Variants in ZNF550 observed in about 807,000 individuals in gnomAD.
The protein encoded by ZNF550 is zinc finger protein 550.
ZNF550 carries 42 observed loss-of-function variants against 40.2 expected under a neutral mutation model. The observed-to-expected ratio is 1.05, with a 90% CI of 0.82 to 1.35. The LOEUF (loss-of-function observed/expected upper bound fraction) is 1.35. Ranked by LOEUF, ZNF550 falls within the 40% of genes most tolerant of loss-of-function variation. The pLI, the probability that ZNF550 is intolerant of heterozygous loss-of-function variation, is 0.00. For missense variants in ZNF550, 549 were observed against 525.2 expected (o/e 1.05, Z -0.44); for synonymous variants, 223 against 198.6 (o/e 1.12, Z -1.03).
At chr19:57,558,148 G>A (rs2090138772) in intron 1 of ZNF550, among the ~76,000 whole-genome samples, 1 of 152,224 alleles carries the variant, frequency 6.6e-6, no homozygotes, top group African/African-American at 2.4e-5. Flanking sequence ...GAGCAGGCAG[G>A]TGGGAGTGAG....
At chr19:57,542,346 T>C (rs371920123) in exon 5 of ZNF550, 52 of 149,454 alleles carry the variant, frequency 3.5e-4, no homozygotes, top group African/African-American at 1.2e-3. Flanking sequence ...GCAAGGTACA[T>C]TTCTCATGTA....
chr19:57,550,933 T>C (rs1365550881), intron 3 of ZNF550, among the ~76,000 whole-genome samples: 1 of 152,264 alleles, frequency 6.6e-6, no homozygotes, highest in Non-Finnish European at 1.5e-5. Context: ...AAAAGCATTT[T>C]GTCTGTTTTC....
rs2090022018 is a variant in ZNF550 at position 57,547,227 on chromosome 19, T to G, written c.1017A>C (p.Gly339=). 10 of 1,614,084 alleles carry G rather than the reference T, an allele frequency of 6.2e-6. No individual in the cohort carries two copies. In the East Asian group the frequency reaches 2.2e-4, roughly 36 times the overall value. ...ATGCCATGCAATCATAGGGCTTCTC[T>G]CCAGTGTGGATGATGTAATGTTGAA... The change falls in exon 4 of 5, where the codon GGA becomes GGC. Residue 339 remains glycine, a synonymous_variant. Transcript: ENST00000457177.
chr19:57,546,736 T>C, exon 4 of ZNF550: 2 of 1,279,652 alleles, frequency 1.6e-6, no homozygotes, highest in East Asian at 2.9e-5. Flanking sequence ...TGAATCCTTC[T>C]GCAATGAGTG....
intron 2 of ZNF550, 153 bp downstream of exon 2, chr19:57,556,078 C>G: frequency 1.0e-6 from 1 of 990,088 alleles, no homozygotes; most frequent in Middle Eastern, 2.3e-4. Flanking sequence ...TTTTCTACCC[C>G]GACAATCTCT....
intron 4 of ZNF550, chr19:57,544,652 A>G (rs1386595615): frequency 1.0e-6 from 1 of 973,318 alleles, no homozygotes; most frequent in East Asian, 1.1e-4. Flanking sequence ...CAAAAGGACC[A>G]CAGTAAAAGG....
chr19:57,551,905 A>G lies in ZNF550; in HGVS notation c.250+722T>C, dbSNP rs970194051. Among the ~76,000 whole-genome samples the G allele has an allele frequency of 6.6e-5, 10 of 152,216 alleles. No homozygotes were observed. In the South Asian group the frequency reaches 8.3e-4, roughly 13 times the overall value. The stretch of plus-strand genomic sequence containing the variant: ...GCAAAGGGCTGCTTCCGAGTCTCTG[A>G]TGGTCTAACTGGAGGATGGATGAGT... On this transcript the variant is annotated intron_variant, in intron 3 of 4. Coordinates refer to ENST00000457177, the Ensembl canonical transcript of ZNF550.
chr19:57,546,728 A>T, exon 4 of ZNF550: 1 of 1,254,528 alleles, frequency 8.0e-7, no homozygotes, highest in Non-Finnish European at 1.0e-6. Context: ...CCCTGGTATG[A>T]ATCCTTCTGC....
intron 4 of ZNF550, chr19:57,543,663 C>T (rs1654199497): frequency 1.1e-5 from 11 of 984,646 alleles, no homozygotes; most frequent in Middle Eastern, 5.2e-4. Flanking sequence ...CTGCCGGGCA[C>T]GGTGGCTCAC....
chr19:57,546,978 T>A, exon 4 of ZNF550: 1 of 1,608,998 alleles, frequency 6.2e-7, no homozygotes, highest in South Asian at 1.1e-5. Flanking sequence ...GGTTCTCTCA[T>A]GTATGGACCC....
At chr19:57,560,320 C>T (rs936448108), upstream of ZNF550, among the ~76,000 whole-genome samples, 1 of 152,124 alleles carries the variant, frequency 6.6e-6, no homozygotes, top group Non-Finnish European at 1.5e-5. Context: ...GGGACATGCT[C>T]GTGGGGTTCC....
intron 3 of ZNF550, among the ~76,000 whole-genome samples, chr19:57,551,454 A>G (rs533698737): frequency 6.6e-6 from 1 of 150,640 alleles, no homozygotes; most frequent in East Asian, 2.0e-4. Context: ...CAAGGGAAGC[A>G]GTGGAAGTGA....
intron 3 of ZNF550, among the ~76,000 whole-genome samples, chr19:57,550,318 G>A (rs1274556348): frequency 1.3e-5 from 2 of 152,034 alleles, no homozygotes; most frequent in Non-Finnish European, 2.9e-5. Context: ...TCATCTCCTG[G>A]GTGTATATGC....
chr19:57,550,771 T>C (rs1267139198), intron 3 of ZNF550, among the ~76,000 whole-genome samples: 1 of 152,214 alleles, frequency 6.6e-6, no homozygotes, highest in Non-Finnish European at 1.5e-5. Context: ...TTTGTACTTA[T>C]TATTGTATAC....
intron 1 of ZNF550, 121 bp from the exon 2 acceptor site, chr19:57,556,478 T>C: frequency 1.5e-6 from 2 of 1,322,914 alleles, no homozygotes; most frequent in Non-Finnish European, 2.1e-6. Flanking sequence ...AGGTCTCCTT[T>C]GGGCTGACTT....
At position 57,556,225 on chromosome 19, in the gene ZNF550, C is replaced by T. The variant is rs1339733844; in HGVS notation, c.154+6G>A. On this transcript the variant is annotated splice_donor_region_variant and intron_variant, in intron 2 of 4. Coordinates refer to ENST00000457177, the Ensembl canonical transcript of ZNF550. ...TCCTCCTCAGGGATGAGAGGTGAGT[C>T]ATTACCTAGTGAAACCAGAAGCCCA... 3.7e-6 allele frequency: 6 copies of T among 1,613,794 alleles called. No homozygotes were observed. The South Asian group carries it at 4.4e-5, about 12-fold the overall frequency.
intron 4 of ZNF550, among the ~76,000 whole-genome samples, chr19:57,545,037 G>A (rs887640342): frequency 4.6e-5 from 7 of 152,104 alleles, no homozygotes; most frequent in Non-Finnish European, 5.9e-5. Flanking sequence ...CAGGAGAATC[G>A]CTTGAACCCG....
At chr19:57,546,425 G>A in intron 4 of ZNF550, 2 of 904,524 alleles carry the variant, frequency 2.2e-6, no homozygotes, top group Non-Finnish European at 2.6e-6. Context: ...ATCTTACAGG[G>A]AAGTCTGTAA....
rs2090151813 is a variant in ZNF550, at chr19:57,559,558, G to A, written c.27+98C>T. On this transcript the variant is annotated intron_variant, in intron 1 of 4. Transcript: ENST00000457177. ...TAGGCCTCTAAGAAGCAACGGCAGG[G>A]ACTGCACTGAGGACGACCCTGAAAC... 33 of 1,232,348 alleles carry A rather than the reference G, an allele frequency of 2.7e-5. No homozygotes were observed. In the South Asian group the frequency reaches 4.7e-4, roughly 18 times the overall value. 76.3% of individuals were successfully genotyped at this position (1,232,348 alleles called of 1,614,324 possible). A position where few individuals can be genotyped will look rare whatever the true frequency, so the allele number is the denominator to read the frequency against.
Sources: gnomAD v4.1 joint callset for allele counts (sites outside exome capture counted in the v4.1 genomes callset) on GRCh38, gnomAD v4.1.1 for gene constraint, MANE v1.5 for transcripts, NCBI Gene and HGNC (gene_info 2026-07-23, HGNC 2026-07-21) for gene names.